CYRIA: variants seen among roughly 807,000 people sequenced by gnomAD.
The protein encoded by CYRIA is CYFIP-related Rac1 interactor A.
A neutral mutation model predicts 43.9 loss-of-function variants in CYRIA; 15 were observed. That is an observed-to-expected ratio of 0.34 (90% CI 0.23 to 0.53). CYRIA has a LOEUF of 0.53. Among genes scored for constraint, CYRIA ranks in the 20% least tolerant of loss-of-function variants. The pLI is 0.94. For synonymous variants in CYRIA, 117 were observed against 136.0 expected, an observed-to-expected ratio of 0.86 and a Z score of 0.97; for missense variants, 236 against 394.2, an observed-to-expected ratio of 0.60 and a Z score of 3.40.
chr2:16,569,263 G>A (rs1667048114), intron 3 of CYRIA, among the ~76,000 whole-genome samples: 1 of 152,126 alleles, frequency 6.6e-6, no homozygotes, highest in Non-Finnish European at 1.5e-5. Flanking sequence ...TGGCAGCTGG[G>A]GTGATCTATA....
chr2:16,665,777 C>T lies in CYRIA; in HGVS notation c.-167+3G>A, dbSNP rs1466313732. 2.8e-5 allele frequency: 4 copies of T among 145,376 alleles called. No individual in the cohort carries two copies. The highest frequency in any genetic ancestry group is 6.1e-5 in the Non-Finnish European group (4 of 65,460). The allele number at this position is 145,376 out of a possible 1,614,324, so 9.0% of individuals were successfully genotyped here. On this transcript the variant is annotated splice_donor_region_variant and intron_variant, in intron 1 of 11. Coordinates refer to ENST00000381323, the MANE Select transcript of CYRIA (RefSeq NM_030797.4). ...GCCGCGCCCCCAGCCGCGCCGCGCTCACCGAGTCGCCGCCGCCCTGCTCTG... is the reference window on the plus strand; with the variant it reads ...GCCGCGCCCCCAGCCGCGCCGCGCTTACCGAGTCGCCGCCGCCCTGCTCTG...
chr2:16,651,662 G>A lies in CYRIA; in HGVS notation c.-167+14118C>T, dbSNP rs138021492. ...ATATTCCTGAAAAGGAGGCAGGAAG[G>A]AAGATTAGCTCCACTGGAGGATGAG... On this transcript the variant is annotated intron_variant, in intron 1 of 11. Transcript: ENST00000381323. Among the ~76,000 whole-genome samples the A allele has an allele frequency of 3.0e-4, 45 of 152,332 alleles. No individual in the cohort carries two copies. The East Asian group carries it at 7.9e-3, about 27-fold the overall frequency.
At chr2:16,558,833 G>A (rs74757441) in intron 10 of CYRIA, among the ~76,000 whole-genome samples, 3,881 of 152,122 alleles carry the variant, frequency 0.026, 70 homozygotes, top group Non-Finnish European at 0.038. Flanking sequence ...AATACAGAAC[G>A]GTGAGTGCTC....
At chr2:16,561,435 C>G (rs1474351424) in intron 7 of CYRIA, 21 bp downstream of exon 7, 45 of 1,611,792 alleles carry the variant, frequency 2.8e-5, no homozygotes, top group Non-Finnish European at 3.8e-5. Context: ...GTGCAAAGGT[C>G]AAGGCGACCC....
At chr2:16,615,078 G>A (rs966585767) in intron 2 of CYRIA, among the ~76,000 whole-genome samples, 2 of 152,156 alleles carry the variant, frequency 1.3e-5, no homozygotes, top group African/African-American at 4.8e-5. Flanking sequence ...AATACAAAAT[G>A]GCTTATTGTT....
intron 10 of CYRIA, among the ~76,000 whole-genome samples, chr2:16,556,046 T>C (rs952727595): frequency 5.9e-5 from 9 of 152,136 alleles, no homozygotes; most frequent in African/African-American, 2.2e-4. Flanking sequence ...TCCTGGAGTG[T>C]TTTTTGGCAA....
intron 2 of CYRIA, among the ~76,000 whole-genome samples, chr2:16,606,153 G>A (rs76644544): frequency 0.076 from 11,502 of 152,094 alleles, 581 homozygotes; most frequent in Middle Eastern, 0.14. Flanking sequence ...ATAGCCATTC[G>A]GGGAAGGCCA....
intron 2 of CYRIA, among the ~76,000 whole-genome samples, chr2:16,608,836 G>C (rs533946913): frequency 2.5e-4 from 38 of 152,284 alleles, no homozygotes; most frequent in African/African-American, 8.9e-4. Flanking sequence ...CTTTGGAGCT[G>C]GAGAAGAAAG....
At chr2:16,615,706 T>C (rs1432620397) in intron 2 of CYRIA, among the ~76,000 whole-genome samples, 1 of 152,214 alleles carries the variant, frequency 6.6e-6, no homozygotes, top group Non-Finnish European at 1.5e-5. Context: ...AAATATCTGT[T>C]ATAATAGAAA....
At chr2:16,623,779 T>C (rs1373914508) in intron 2 of CYRIA, 85 bp downstream of exon 2, 1 of 152,220 alleles carries the variant, frequency 6.6e-6, no homozygotes, top group Non-Finnish European at 1.5e-5. Flanking sequence ...TTTCATAACA[T>C]AAGCATGCAT....
chr2:16,581,161 G>A (rs1454874122), intron 3 of CYRIA, among the ~76,000 whole-genome samples: 1 of 151,974 alleles, frequency 6.6e-6, no homozygotes, highest in Non-Finnish European at 1.5e-5. Flanking sequence ...AAAATAAGTA[G>A]GTAAGCCTAC....
chr2:16,581,899 C>T (rs57808975), intron 3 of CYRIA, among the ~76,000 whole-genome samples: 5,024 of 152,162 alleles, frequency 0.033, 252 homozygotes, highest in African/African-American at 0.097. Flanking sequence ...AATGACATGG[C>T]TGGATGTCAA....
rs560934792 is a variant in CYRIA, at chr2:16,641,621, G to A, written c.-166-17602C>T. Among the ~76,000 whole-genome samples the A allele has an allele frequency of 1.6e-3, 244 of 152,324 alleles. 1 individual carries two copies. The highest frequency in any genetic ancestry group is 5.7e-3 in the African/African-American group (235 of 41,570). On this transcript the variant is annotated intron_variant, in intron 1 of 11. Coordinates refer to ENST00000381323, the MANE Select transcript of CYRIA (RefSeq NM_030797.4). ...TTAGGCTGTAAGACATCTGAGGGTA[G>A]AAAAATACCAAGTTTAACTTTGCAT...
chr2:16,648,502 C>T (rs1669880239), intron 1 of CYRIA, among the ~76,000 whole-genome samples: 2 of 152,174 alleles, frequency 1.3e-5, no homozygotes, highest in African/African-American at 4.8e-5. Flanking sequence ...GATGTGATGA[C>T]ACGAGTTTCA....
intron 2 of CYRIA, among the ~76,000 whole-genome samples, chr2:16,599,638 C>G (rs1363496410): frequency 6.8e-6 from 1 of 147,166 alleles, no homozygotes; most frequent in Non-Finnish European, 1.5e-5. Flanking sequence ...GTCTGGCACT[C>G]CCTAGTGAGA....
intron 1 of CYRIA, among the ~76,000 whole-genome samples, chr2:16,647,571 T>C (rs1259014925): frequency 6.6e-6 from 1 of 152,190 alleles, no homozygotes; most frequent in Non-Finnish European, 1.5e-5. Flanking sequence ...TCAAAACCCA[T>C]ACTACAAGGC....
In CYRIA at chr2:16,665,822, C is replaced by G. The variant is rs1347941331; in HGVS notation, c.-209G>C. On this transcript the variant is annotated 5_prime_UTR_variant, in exon 1 of 12. Transcript: ENST00000381323. The stretch of plus-strand genomic sequence containing the variant: ...GCTCTGCCGCCCGCTCCGCCGCCGC[C>G]GAGTACGCCTCTCCCGCGGCCGCCG... 6.8e-6 allele frequency: 1 copy of G among 147,062 alleles called. No individual in the cohort carries two copies. Among genetic ancestry groups the G allele is most frequent in the Non-Finnish European group, 1.5e-5 (1 of 65,788 alleles). 9.1% of individuals were successfully genotyped at this position (147,062 alleles called of 1,614,324 possible). A position where few individuals can be genotyped will look rare whatever the true frequency, so the allele number is the denominator to read the frequency against.
chr2:16,575,842 C>T (rs773520289), intron 3 of CYRIA, among the ~76,000 whole-genome samples: 3 of 150,532 alleles, frequency 2.0e-5, no homozygotes, highest in Non-Finnish European at 3.0e-5. Flanking sequence ...GGCCACAGAG[C>T]GAGACTCCAT....
rs189587043 is a variant in CYRIA at position 16,561,581 on chromosome 2, G to C, written c.436-48C>G. ...GAAGGTCATCTCTCAGTATCAGATG[G>C]GGTATATGCATTAGGAGGAGCCCAG... On this transcript the variant is annotated intron_variant, in intron 6 of 11. Transcript: ENST00000381323. 2.3e-5 allele frequency: 32 copies of C among 1,409,270 alleles called. No homozygotes were observed. The East Asian group carries it at 7.1e-4, about 31-fold the overall frequency. The allele number at this position is 1,409,270 out of a possible 1,614,324, so 87.3% of individuals were successfully genotyped here.
Sources: gnomAD v4.1 joint callset for allele counts (sites outside exome capture counted in the v4.1 genomes callset) on GRCh38, gnomAD v4.1.1 for gene constraint, MANE v1.5 for transcripts, NCBI Gene and HGNC (gene_info 2026-07-23, HGNC 2026-07-21) for gene names.